The following SRGAP1 variants were observed in gnomAD, a reference collection of about 807,000 sequenced individuals.
SRGAP1 encodes SLIT-ROBO Rho GTPase activating protein 1, also known as SLIT-ROBO Rho GTPase-activating protein 1.
In SRGAP1, 43 loss-of-function variants were observed where a neutral mutation model predicts 121.9. The observed-to-expected ratio is 0.35, with a 90% CI of 0.28 to 0.46. SRGAP1 has a LOEUF of 0.46. Ranked by LOEUF, SRGAP1 falls within the 20% of genes least tolerant of loss-of-function variation. SRGAP1 has a pLI of 1.00. For synonymous variants in SRGAP1, 447 were observed against 485.4 expected (o/e 0.92, Z 1.04); for missense variants, 1,102 against 1,350.9 (o/e 0.82, Z 2.89).
intron 21 of SRGAP1, among the ~76,000 whole-genome samples, chr12:64,138,610 G>T (rs188139842): frequency 6.6e-6 from 1 of 151,070 alleles, no homozygotes; most frequent in Non-Finnish European, 1.5e-5. Context: ...GTGCCACCAC[G>T]CCTGGCTATC....
At chr12:63,988,098 G>T (rs1593008710) in intron 2 of SRGAP1, among the ~76,000 whole-genome samples, 1 of 152,204 alleles carries the variant, frequency 6.6e-6, no homozygotes, top group East Asian at 1.9e-4. Context: ...CACAGTAAGT[G>T]CTCATTAAAT....
At chr12:64,071,431 T>G (rs1423610805) in intron 8 of SRGAP1, among the ~76,000 whole-genome samples, 1 of 152,214 alleles carries the variant, frequency 6.6e-6, no homozygotes, top group Non-Finnish European at 1.5e-5. Context: ...TTTCTGATAA[T>G]TTGCTGTGTT....
At chr12:63,920,384 A>G (rs151239258) in intron 1 of SRGAP1, among the ~76,000 whole-genome samples, 9 of 152,316 alleles carry the variant, frequency 5.9e-5, no homozygotes, top group Admixed American at 4.6e-4. Flanking sequence ...TCCATGGAGT[A>G]GCAAGAGAGT....
Position 63,844,730 on chromosome 12 carries a change from G to C in SRGAP1, c.-87G>C, listed in dbSNP as rs1565917516. ...CTGCCTCTGGATTGCCTGCGTGTGG[G>C]AGTACAACTCTGCCTCTCCAAGGAG... is the stretch of plus-strand genomic sequence containing the variant. On this transcript the variant is annotated 5_prime_UTR_variant, in exon 1 of 22. Coordinates refer to ENST00000355086, the MANE Select transcript of SRGAP1 (RefSeq NM_020762.4). This position sits in a 1 kb window ranked among gnomAD's most constrained non-coding sequence, Gnocchi z 4.3. The C allele has an allele frequency of 2.2e-5, 29 of 1,314,826 alleles. No homozygotes were observed. Among genetic ancestry groups the C allele is most frequent in the Non-Finnish European group, 3.2e-5 (29 of 906,872 alleles). 81.4% of individuals were successfully genotyped at this position (1,314,826 alleles called of 1,614,324 possible).
intron 18 of SRGAP1, among the ~76,000 whole-genome samples, 187 bp from the exon 19 acceptor site, chr12:64,125,790 A>G (rs972496231): frequency 6.6e-6 from 1 of 152,140 alleles, no homozygotes; most frequent in Admixed American, 6.5e-5. Context: ...ACAGCAAGAT[A>G]ATGTTTTTCT....
chr12:63,860,048 C>T (rs1332567445), intron 1 of SRGAP1, among the ~76,000 whole-genome samples: 2 of 152,064 alleles, frequency 1.3e-5, no homozygotes, highest in African/African-American at 4.8e-5. Context: ...CTGTGCTGCC[C>T]AGGCTAAAGT....
At chr12:64,093,926 T>C (rs538358432) in intron 12 of SRGAP1, among the ~76,000 whole-genome samples, 1 of 152,252 alleles carries the variant, frequency 6.6e-6, no homozygotes, top group African/African-American at 2.4e-5. Context: ...CCCCACTGCT[T>C]AATTGGAAAG....
At chr12:64,042,446 G>A (rs1277746117) in intron 4 of SRGAP1, among the ~76,000 whole-genome samples, 1 of 152,004 alleles carries the variant, frequency 6.6e-6, no homozygotes, top group Non-Finnish European at 1.5e-5. Context: ...TGAATAAACG[G>A]TTTATTCTGC....
At chr12:63,913,396 A>G (rs2030613960) in intron 1 of SRGAP1, among the ~76,000 whole-genome samples, 1 of 142,370 alleles carries the variant, frequency 7.0e-6, no homozygotes, top group African/African-American at 2.6e-5. Context: ...GGCTCAAGCG[A>G]TCCTCCCACC....
chr12:63,908,010 A>G (rs1007669776), intron 1 of SRGAP1, among the ~76,000 whole-genome samples: 2 of 152,188 alleles, frequency 1.3e-5, no homozygotes, highest in Non-Finnish European at 2.9e-5. Context: ...TCAGTTAACC[A>G]TAAGTGTGAG....
At chr12:63,972,785 A>C (rs1670492256) in intron 1 of SRGAP1, among the ~76,000 whole-genome samples, 1 of 152,220 alleles carries the variant, frequency 6.6e-6, no homozygotes, top group African/African-American at 2.4e-5. Flanking sequence ...AAATACTAGG[A>C]AATTAGTTTT....
In SRGAP1 at chr12:64,157,918, C is replaced by A. The variant is rs561822266; in HGVS notation, c.*15246C>A. ...CCTTCCATTTTTTTTGTTGCTGCCA[C>A]CTTAGTACGTGGCCACCATGAAGAG... On this transcript the variant is annotated 3_prime_UTR_variant, in exon 22 of 22. Coordinates refer to ENST00000355086, the MANE Select transcript of SRGAP1 (RefSeq NM_020762.4). The A allele has an allele frequency of 6.6e-6, 1 of 152,284 alleles. No homozygotes were observed. Among genetic ancestry groups the A allele is most frequent in the African/African-American group, 2.4e-5 (1 of 41,528 alleles). 9.4% of individuals were successfully genotyped at this position (152,284 alleles called of 1,614,324 possible). A position where few individuals can be genotyped will look rare whatever the true frequency, so the allele number is the denominator to read the frequency against.
At chr12:63,884,642 C>G (rs571170291) in intron 1 of SRGAP1, among the ~76,000 whole-genome samples, 3 of 151,952 alleles carry the variant, frequency 2.0e-5, no homozygotes, top group Admixed American at 6.6e-5. Flanking sequence ...ATTTATTCCC[C>G]GTACCTAATT....
intron 1 of SRGAP1, among the ~76,000 whole-genome samples, chr12:63,914,716 G>C (rs1468334895): frequency 6.6e-6 from 1 of 152,070 alleles, no homozygotes; most frequent in Non-Finnish European, 1.5e-5. Flanking sequence ...AAATAAGGCA[G>C]CTAACGGAAA....
At chr12:64,012,414 T>C (rs955571171) in intron 3 of SRGAP1, among the ~76,000 whole-genome samples, 2 of 152,120 alleles carry the variant, frequency 1.3e-5, no homozygotes, top group Non-Finnish European at 2.9e-5. Context: ...TATTATTGGG[T>C]AACAAAAATT....
chr12:63,887,053 T>C (rs940655253), intron 1 of SRGAP1, among the ~76,000 whole-genome samples: 7 of 151,996 alleles, frequency 4.6e-5, no homozygotes, highest in African/African-American at 1.7e-4. Context: ...TTTGTATTTT[T>C]AGTAGAGATA....
At chr12:63,943,472 T>C (rs2031936392) in intron 1 of SRGAP1, among the ~76,000 whole-genome samples, 1 of 152,374 alleles carries the variant, frequency 6.6e-6, no homozygotes, top group Non-Finnish European at 1.5e-5. Context: ...TTAATTATTC[T>C]ACTTTTTACA....
rs73317362 is a variant in SRGAP1 at position 63,976,993 on chromosome 12, G to C, written c.68-6954G>C. On this transcript the variant is annotated intron_variant, in intron 1 of 21. Coordinates refer to ENST00000355086, the MANE Select transcript of SRGAP1 (RefSeq NM_020762.4). The stretch of plus-strand genomic sequence containing the variant: ...TAAATCTTGGGTTCAGATTTCTAGT[G>C]AAGTGGAGAAATTGCCTTTGTTTAT... Among the ~76,000 whole-genome samples, 394 of 152,052 alleles carry C rather than the reference G, an allele frequency of 2.6e-3. 1 individual carries two copies. Among genetic ancestry groups the C allele is most frequent in the African/African-American group, 9.0e-3 (375 of 41,456 alleles).
intron 4 of SRGAP1, among the ~76,000 whole-genome samples, chr12:64,025,114 C>CGT (rs1159488759): frequency 6.7e-6 from 1 of 149,158 alleles, no homozygotes; most frequent in East Asian, 2.0e-4. Flanking sequence ...CTGGCCTTTA[C>CGT]GTATCTTTGA....
Sources: allele counts gnomAD v4.1 joint callset (sites outside exome capture counted in the v4.1 genomes callset), GRCh38; gene constraint gnomAD v4.1.1; non-coding constraint Gnocchi (gnomAD v3.1); transcripts MANE v1.5; gene names NCBI Gene and HGNC (gene_info 2026-07-23, HGNC 2026-07-21).